Variants in FDFT1 observed in about 807,000 individuals in gnomAD.
FDFT1 encodes the protein farnesyl-diphosphate farnesyltransferase 1.
Under a neutral mutation model 46.8 loss-of-function variants are expected in FDFT1, and 68 were observed. That is an observed-to-expected ratio of 1.45 (90% CI 1.19 to 1.78). FDFT1 has a LOEUF of 1.78. Ranked by LOEUF, FDFT1 falls within the 40% of genes most tolerant of loss-of-function variation. The probability of loss-of-function intolerance (pLI) is 0.00; values close to 1 mark genes in which losing one functional copy is unlikely to be tolerated. For missense variants in FDFT1, 928 were observed against 524.4 expected (o/e 1.77, Z -7.52); for synonymous variants, 351 against 185.1 (o/e 1.90, Z -7.28).
At chr8:11,818,199 A>G (rs1265691608) in intron 3 of FDFT1, among the ~76,000 whole-genome samples, 1 of 152,132 alleles carries the variant, frequency 6.6e-6, no homozygotes, top group Non-Finnish European at 1.5e-5. Context: ...CCTGAGTTCT[A>G]ATTTGATTTC....
upstream of FDFT1, chr8:11,801,965 A>C: frequency 2.2e-6 from 1 of 455,704 alleles, no homozygotes; most frequent in South Asian, 1.5e-5. Context: ...TTGCGATTAC[A>C]GGCGTGAGCC....
intron 3 of FDFT1, among the ~76,000 whole-genome samples, chr8:11,820,054 T>C (rs532824509): frequency 3.3e-5 from 5 of 152,320 alleles, no homozygotes; most frequent in East Asian, 3.9e-4. Context: ...TTTGTTGATA[T>C]TGATCCTATT....
At chr8:11,803,850 T>A (rs1004733079) in intron 1 of FDFT1, 2 of 155,120 alleles carry the variant, frequency 1.3e-5, no homozygotes, top group African/African-American at 4.8e-5. Context: ...ACACCCTCAT[T>A]TGGTGTTATT....
At chr8:11,800,296 G>C (rs1441613754), upstream of FDFT1, among the ~76,000 whole-genome samples, 23 of 133,872 alleles carry the variant, frequency 1.7e-4, no homozygotes, top group Non-Finnish European at 1.7e-4. Flanking sequence ...AAAAAAAGGC[G>C]CTTGAACATT....
intron 4 of FDFT1, among the ~76,000 whole-genome samples, chr8:11,825,470 G>A (rs935183851): frequency 1.3e-5 from 2 of 151,310 alleles, no homozygotes; most frequent in Admixed American, 6.6e-5. Flanking sequence ...AACCCAAGAG[G>A]CAGAGGTTGC....
Position 11,809,721 on chromosome 8 carries a change from T to C in FDFT1, c.252T>C (p.Asp84=). 3.1e-6 allele frequency: 5 copies of C among 1,614,154 alleles called. No individual in the cohort carries two copies. The highest frequency in any genetic ancestry group is 3.4e-6 in the Non-Finnish European group (4 of 1,179,986). Residue 84 remains aspartate, a synonymous_variant, in exon 3 of 8, where the codon GAT becomes GAC. Transcript: ENST00000220584. ...TCCGAGCTCTGGACACACTGGAAGA[T>C]GACATGACCATCAGTGTGGAAAAGA... is the stretch of plus-strand genomic sequence containing the variant. The part of the protein sequence containing the change: ...LVLRALDTLE[D]DMTISVEKKV...
At chr8:11,837,265 C>T (rs540476568) in intron 7 of FDFT1, among the ~76,000 whole-genome samples, 39 of 152,306 alleles carry the variant, frequency 2.6e-4, no homozygotes, top group African/African-American at 8.9e-4. Flanking sequence ...GGGTCTTGTT[C>T]TGTCATCCAG....
At chr8:11,807,201 TATCATAGTTC>T (rs1239654385) in intron 1 of FDFT1, among the ~76,000 whole-genome samples, 5 of 152,186 alleles carry the variant, frequency 3.3e-5, no homozygotes, top group African/African-American at 4.8e-5. Flanking sequence ...CAGTGTACAA[TATCATAGTTC>T]ACTGTAACGT....
In FDFT1 at chr8:11,802,942, CCT is replaced by C. The variant is rs1314405393; in HGVS notation, c.99+13_99+14del. 4.4e-5 allele frequency: 70 copies of C among 1,594,018 alleles called. No homozygotes were observed. Among genetic ancestry groups the C allele is most frequent in the Non-Finnish European group, 6.0e-5 (70 of 1,170,020 alleles). On this transcript the variant is annotated intron_variant, in intron 1 of 7. Transcript: ENST00000220584. ...CCCAAGATGGACCAGGTGGGCCGAG[CCT>C]CCCTGCTTGCCCGGGGCGGGGAAGG...
At chr8:11,823,808 A>G (rs1184431213) in intron 4 of FDFT1, among the ~76,000 whole-genome samples, 2 of 152,108 alleles carry the variant, frequency 1.3e-5, no homozygotes, top group Non-Finnish European at 2.9e-5. Flanking sequence ...TAGTGGCATG[A>G]TCAAGGCTCA....
chr8:11,812,259 C>T (rs1807819933), intron 3 of FDFT1, among the ~76,000 whole-genome samples: 1 of 152,190 alleles, frequency 6.6e-6, no homozygotes, highest in African/African-American at 2.4e-5. Context: ...ATCCCTGAGC[C>T]CACGTCTGCG....
upstream of FDFT1, chr8:11,802,071 A>T (rs929663287): frequency 2.2e-6 from 1 of 455,572 alleles, no homozygotes; most frequent in South Asian, 1.5e-5. Flanking sequence ...CTAAGGCTTC[A>T]GCTCCTTTTT....
At chr8:11,832,006 CTG>C (rs1810870231) in intron 7 of FDFT1, among the ~76,000 whole-genome samples, 2 of 152,142 alleles carry the variant, frequency 1.3e-5, no homozygotes, top group Admixed American at 6.5e-5. Context: ...TGAAGCTTGT[CTG>C]TGCTGATGCA....
chr8:11,836,645 A>G (rs1051466402), intron 7 of FDFT1, among the ~76,000 whole-genome samples: 4 of 152,258 alleles, frequency 2.6e-5, no homozygotes, highest in African/African-American at 7.2e-5. Context: ...TTTAGGAGGA[A>G]GGCTAAGACA....
chr8:11,808,697 C>T (rs943957042), intron 1 of FDFT1, 97 bp from the exon 2 acceptor site: 11 of 1,485,300 alleles, frequency 7.4e-6, no homozygotes, highest in African/African-American at 6.1e-5. Context: ...GGCTGTGGAG[C>T]CGCCTGCCCC....
At chr8:11,819,393 C>A (rs185056199) in intron 3 of FDFT1, among the ~76,000 whole-genome samples, 1 of 152,258 alleles carries the variant, frequency 6.6e-6, no homozygotes, top group African/African-American at 2.4e-5. Context: ...GAATGTTGAC[C>A]TGCCTTGCTA....
At chr8:11,829,399 C>G (rs1270360875) in intron 5 of FDFT1, among the ~76,000 whole-genome samples, 2 of 152,172 alleles carry the variant, frequency 1.3e-5, no homozygotes, top group Non-Finnish European at 1.5e-5. Flanking sequence ...TTTTATTTCA[C>G]TTTCAAGTTA....
At chr8:11,813,581 C>G (rs529082412) in intron 3 of FDFT1, among the ~76,000 whole-genome samples, 2 of 152,164 alleles carry the variant, frequency 1.3e-5, no homozygotes, top group African/African-American at 2.4e-5. Flanking sequence ...GGCTTCAGAT[C>G]TCTTGTGCTG....
chr8:11,802,530 A>G (rs1445535953), upstream of FDFT1: 25 of 544,680 alleles, frequency 4.6e-5, no homozygotes, highest in African/African-American at 1.3e-4. Flanking sequence ...TCGGCCTCCA[A>G]TGAGCTTCTA....
Sources: allele counts gnomAD v4.1 joint callset (sites outside exome capture counted in the v4.1 genomes callset), GRCh38; gene constraint gnomAD v4.1.1; transcripts MANE v1.5; gene names NCBI Gene and HGNC (gene_info 2026-07-23, HGNC 2026-07-21).